The following RBPJ variants were observed in gnomAD, a reference collection of about 807,000 sequenced individuals.
The protein encoded by RBPJ is recombining binding protein suppressor of hairless.
Under a neutral mutation model 67.8 loss-of-function variants are expected in RBPJ, and 9 were observed. That is an observed-to-expected ratio of 0.13 (90% confidence interval 0.08 to 0.23). The LOEUF (loss-of-function observed/expected upper bound fraction) is 0.23. Among genes scored for constraint, RBPJ ranks in the 10% least tolerant of loss-of-function variants. The pLI, the probability that RBPJ is intolerant of heterozygous loss-of-function variation, is 1.00. For missense variants in RBPJ, 305 were observed against 595.6 expected (o/e 0.51, Z 5.08); for synonymous variants, 198 against 203.3 (o/e 0.97, Z 0.22).
the RBPJ span, among the ~76,000 whole-genome samples, chr4:26,149,023 C>T: frequency 3.3e-5 from 5 of 152,278 alleles, no homozygotes; most frequent in African/African-American, 1.2e-4. Flanking sequence ...AGTCTCCCCA[C>T]AACATGGAAA....
intron 1 of RBPJ, among the ~76,000 whole-genome samples, chr4:26,256,632 G>T (rs917190809): frequency 6.6e-6 from 1 of 152,146 alleles, no homozygotes; most frequent in Non-Finnish European, 1.5e-5. Flanking sequence ...GTGAAAAATG[G>T]TCTTAAGAAA....
Position 26,431,157 on chromosome 4 carries a change from T to C in RBPJ, c.*150T>C, listed in dbSNP as rs1181877809. 2 of 302,658 alleles carry C rather than the reference T, an allele frequency of 6.6e-6. No homozygotes were observed. The highest frequency in any genetic ancestry group is 4.8e-5 in the East Asian group (1 of 20,702). The allele number at this position is 302,658 out of a possible 1,614,324, so 18.7% of individuals were successfully genotyped here. A position where few individuals can be genotyped will look rare whatever the true frequency, so the allele number is the denominator to read the frequency against. On this transcript the variant is annotated 3_prime_UTR_variant, in exon 11 of 11. Transcript: ENST00000355476. ...AAAAACCCCGTTGTCTCCCTGCAAGTGCTGATTTGAAATGCAGAAGCCACA... is the reference window on the plus strand; with the variant it reads ...AAAAACCCCGTTGTCTCCCTGCAAGCGCTGATTTGAAATGCAGAAGCCACA...
At chr4:26,121,954 G>C in the RBPJ span, among the ~76,000 whole-genome samples, 1 of 147,348 alleles carries the variant, frequency 6.8e-6, no homozygotes, top group Non-Finnish European at 1.5e-5. Context: ...TTTTTCATGG[G>C]AGAAACACAT....
intron 1 of RBPJ, among the ~76,000 whole-genome samples, chr4:26,327,554 T>G (rs1030581615): frequency 6.7e-5 from 10 of 150,178 alleles, no homozygotes; most frequent in Non-Finnish European, 1.3e-4. Flanking sequence ...TTTTTTTTTT[T>G]TTTTTTTTTT....
intron 2 of RBPJ, among the ~76,000 whole-genome samples, chr4:26,403,335 A>G (rs544665452): frequency 1.3e-5 from 2 of 152,182 alleles, no homozygotes; most frequent in East Asian, 3.9e-4. Flanking sequence ...ATGAATAACC[A>G]TATAACAATA....
At chr4:26,121,680 A>T in the RBPJ span, among the ~76,000 whole-genome samples, 1 of 152,194 alleles carries the variant, frequency 6.6e-6, no homozygotes, top group African/African-American at 2.4e-5. Flanking sequence ...CAAAATGGAA[A>T]AAAAACAATT....
chr4:26,220,847 G>A (rs1322706806), intron 1 of RBPJ, among the ~76,000 whole-genome samples: 1 of 152,210 alleles, frequency 6.6e-6, no homozygotes, highest in Non-Finnish European at 1.5e-5. Context: ...CCTGGCCTGA[G>A]GTCCAGGATT....
intron 1 of RBPJ, among the ~76,000 whole-genome samples, chr4:26,224,246 T>A (rs1719010955): frequency 6.6e-6 from 1 of 152,170 alleles, no homozygotes; most frequent in Admixed American, 6.5e-5. Flanking sequence ...GATTCTTTTT[T>A]TGAGATGGAG....
At chr4:26,198,306 T>C (rs1271005112) in intron 1 of RBPJ, among the ~76,000 whole-genome samples, 1 of 152,098 alleles carries the variant, frequency 6.6e-6, no homozygotes, top group Non-Finnish European at 1.5e-5. Flanking sequence ...ATGAGGCAGA[T>C]ATTAACTACT....
intron 2 of RBPJ, among the ~76,000 whole-genome samples, chr4:26,400,623 A>C (rs1732675814): frequency 6.6e-6 from 1 of 152,226 alleles, no homozygotes; most frequent in South Asian, 2.1e-4. Context: ...TAATGTTTTA[A>C]TATTCTGTTT....
At chr4:26,177,112 C>A (rs546991854) in intron 1 of RBPJ, among the ~76,000 whole-genome samples, 2 of 152,246 alleles carry the variant, frequency 1.3e-5, no homozygotes, top group East Asian at 3.9e-4. Context: ...ATTCATAAGC[C>A]TTCATAAGCT....
chr4:26,134,581 C>A, the RBPJ span, among the ~76,000 whole-genome samples: 93 of 152,348 alleles, frequency 6.1e-4, no homozygotes, highest in African/African-American at 1.9e-3. Context: ...CACATGGGTG[C>A]TCCCTGCAAA....
intron 1 of RBPJ, among the ~76,000 whole-genome samples, chr4:26,277,274 C>CAAA (rs754017128): frequency 0.1 from 11,517 of 113,290 alleles, 802 homozygotes; most frequent in African/African-American, 0.19. Context: ...CCTGTTTGTT[C>CAAA]AAAAAAAAAA....
chr4:26,217,132 G>A (rs1718747085), intron 1 of RBPJ, among the ~76,000 whole-genome samples: 1 of 152,174 alleles, frequency 6.6e-6, no homozygotes, highest in Non-Finnish European at 1.5e-5. Flanking sequence ...ACCACCAAAT[G>A]TTACTGAACC....
chr4:26,141,661 T>A, the RBPJ span, among the ~76,000 whole-genome samples: 6 of 152,220 alleles, frequency 3.9e-5, no homozygotes, highest in Admixed American at 1.3e-4. Flanking sequence ...AACATTCAAG[T>A]CTTCTTTTCT....
intron 1 of RBPJ, among the ~76,000 whole-genome samples, chr4:26,300,808 GGATGACA>G (rs1160695119): frequency 1.3e-5 from 2 of 152,130 alleles, no homozygotes; most frequent in African/African-American, 4.8e-5. Flanking sequence ...TTGAATCAAC[GGATGACA>G]GATGAAGATT....
the RBPJ span, among the ~76,000 whole-genome samples, chr4:26,126,420 AG>A: frequency 6.6e-6 from 1 of 152,214 alleles, no homozygotes; most frequent in Non-Finnish European, 1.5e-5. Context: ...AGTAGCCAAA[AG>A]AGACAGATAC....
At chr4:26,320,953 G>A, upstream of RBPJ, 1 of 1,612,750 alleles carries the variant, frequency 6.2e-7, no homozygotes, top group Non-Finnish European at 8.5e-7. Context: ...AAAGGGAAGG[G>A]GCGGGGGAGA....
At chr4:26,368,857 C>T (rs1447258126) in intron 1 of RBPJ, among the ~76,000 whole-genome samples, 1 of 152,156 alleles carries the variant, frequency 6.6e-6, no homozygotes, top group East Asian at 1.9e-4. Context: ...AGATAAATGA[C>T]ACAAATATGC....
Sources: allele counts gnomAD v4.1 joint callset (sites outside exome capture counted in the v4.1 genomes callset), GRCh38; gene constraint gnomAD v4.1.1; transcripts MANE v1.5; gene names NCBI Gene and HGNC (gene_info 2026-07-23, HGNC 2026-07-21).